TBC1D19: variants seen among roughly 807,000 people sequenced by gnomAD.
The protein encoded by TBC1D19 is TBC1 domain family, member 19.
A neutral mutation model predicts 89.0 loss-of-function variants in TBC1D19; 60 were observed. The ratio of observed to expected loss-of-function variants is 0.67; its 90% confidence interval spans 0.55 to 0.84. The LOEUF (loss-of-function observed/expected upper bound fraction) is 0.84. Among genes scored for constraint, TBC1D19 ranks in the 40% least tolerant of loss-of-function variants. The pLI is 0.00. For missense variants in TBC1D19, 500 were observed against 610.8 expected (o/e 0.82, Z 1.91); for synonymous variants, 189 against 199.7 (o/e 0.95, Z 0.45).
chr4:26,757,382 C>T (rs1343020060), downstream of TBC1D19, among the ~76,000 whole-genome samples: 1 of 152,120 alleles, frequency 6.6e-6, no homozygotes, highest in African/African-American at 2.4e-5. Flanking sequence ...TTGCATCCTC[C>T]TGTGCCATCT....
exon 1 of TBC1D19, chr4:26,576,784 A>T (rs1039263754): frequency 1.8e-5 from 8 of 456,012 alleles, no homozygotes; most frequent in Admixed American, 1.2e-4. Context: ...GTAAAATAAG[A>T]CTCTGGGATG....
the TBC1D19 span, among the ~76,000 whole-genome samples, chr4:26,781,810 T>C: frequency 6.6e-6 from 1 of 152,170 alleles, no homozygotes; most frequent in African/African-American, 2.4e-5. Flanking sequence ...TTTTTTTTTT[T>C]TGTATTTGTA....
chr4:26,576,793 T>G (rs1457302433), exon 1 of TBC1D19: 1 of 456,006 alleles, frequency 2.2e-6, no homozygotes, highest in Non-Finnish European at 4.4e-6. Context: ...GACTCTGGGA[T>G]GAAGGTATGA....
chr4:26,686,171 C>G (rs1713792309), intron 12 of TBC1D19, among the ~76,000 whole-genome samples: 1 of 151,846 alleles, frequency 6.6e-6, no homozygotes, highest in South Asian at 2.1e-4. Flanking sequence ...ATAGCAAAAA[C>G]TTATTTTAAA....
chr4:26,603,396 G>A (rs1259899268), intron 1 of TBC1D19, among the ~76,000 whole-genome samples: 2 of 152,136 alleles, frequency 1.3e-5, no homozygotes, highest in Admixed American at 6.5e-5. Flanking sequence ...GCATTTTTAT[G>A]TTATAAAGTA....
chr4:26,827,780 G>A, the TBC1D19 span, among the ~76,000 whole-genome samples: 3 of 149,002 alleles, frequency 2.0e-5, no homozygotes, highest in Admixed American at 1.3e-4. Context: ...CCTATTTACA[G>A]GTGCAATAAT....
At position 26,659,666 on chromosome 4, in the gene TBC1D19, T is replaced by G. The variant is rs1251724192; in HGVS notation, c.550T>G (p.Leu184Val). The G allele has an allele frequency of 6.3e-7, 1 of 1,593,000 alleles. No individual in the cohort carries two copies. The highest frequency in any genetic ancestry group is 1.1e-5 in the South Asian group (1 of 88,100). Residue 184 changes from leucine to valine, a missense_variant, in exon 8 of 21, where the codon TTA (leucine) becomes GTA (valine). Physicochemically the swap from Leu to Val is conservative, Grantham distance 32. Transcript: ENST00000264866. The stretch of plus-strand genomic sequence containing the variant: ...TCTTAGTTTCAGGACTCATTTGGGT[T>G]TAATTCAAGTTCCACTGAAAGTAAA... ...DSLSFRTHLG[L>V]IQVPLKVKDI... is the part of the protein sequence containing the mutation.
chr4:26,777,625 T>C, the TBC1D19 span, among the ~76,000 whole-genome samples: 1 of 152,016 alleles, frequency 6.6e-6, no homozygotes, highest in Non-Finnish European at 1.5e-5. Flanking sequence ...TTTTTGTACT[T>C]TTTAATAGAG....
chr4:26,825,269 T>G, the TBC1D19 span, among the ~76,000 whole-genome samples: 2 of 152,074 alleles, frequency 1.3e-5, no homozygotes, highest in African/African-American at 2.4e-5. Flanking sequence ...CAGCTAATTT[T>G]TGTATCTTTA....
At chr4:26,582,023 GTAA>G (rs1242923810), upstream of TBC1D19, among the ~76,000 whole-genome samples, 1 of 150,754 alleles carries the variant, frequency 6.6e-6, no homozygotes, top group African/African-American at 2.4e-5. Flanking sequence ...GCCAAACTTC[GTAA>G]TTGTTGCTTT....
upstream of TBC1D19, among the ~76,000 whole-genome samples, chr4:26,581,470 G>A (rs1261486139): frequency 3.3e-5 from 5 of 152,140 alleles, no homozygotes; most frequent in South Asian, 2.1e-4. Flanking sequence ...GTGAGAACAT[G>A]GGGTGTTTGG....
the TBC1D19 span, among the ~76,000 whole-genome samples, chr4:26,817,981 A>AAATATATATATAT: frequency 1.6e-5 from 2 of 126,080 alleles, no homozygotes; most frequent in African/African-American, 7.4e-5. Flanking sequence ...AAAAAAAAAA[A>AAATATATATATAT]ATATATATAT....
intron 1 of TBC1D19, among the ~76,000 whole-genome samples, chr4:26,610,780 G>A (rs887189861): frequency 4.0e-5 from 6 of 151,750 alleles, no homozygotes; most frequent in Admixed American, 1.3e-4. Context: ...ACGTGATCTC[G>A]TTGTTTTTTA....
intron 7 of TBC1D19, among the ~76,000 whole-genome samples, chr4:26,648,345 T>C (rs1180481491): frequency 6.6e-6 from 1 of 152,190 alleles, no homozygotes; most frequent in Non-Finnish European, 1.5e-5. Flanking sequence ...ACAATGTAAA[T>C]AAACAGTTGT....
Position 26,672,130 on chromosome 4 carries a change from A to T in TBC1D19, c.665-19A>T, listed in dbSNP as rs757145232. 6 of 1,042,698 alleles carry T rather than the reference A, an allele frequency of 5.8e-6. No homozygotes were observed. The East Asian group carries it at 3.1e-4, about 53-fold the overall frequency. The allele number at this position is 1,042,698 out of a possible 1,614,324, so 64.6% of individuals were successfully genotyped here. A position where few individuals can be genotyped will look rare whatever the true frequency, so the allele number is the denominator to read the frequency against. Reference sequence around the variant, plus strand: ...CTCATACTCATGTCTAATAATTTTAATTTTTTTTTAATTTTTAGAACTTTT... The same window carrying T: ...CTCATACTCATGTCTAATAATTTTATTTTTTTTTTAATTTTTAGAACTTTT... On this transcript the variant is annotated intron_variant, in intron 9 of 20. Coordinates refer to ENST00000264866, the MANE Select transcript of TBC1D19 (RefSeq NM_018317.4).
chr4:26,791,350 G>T, the TBC1D19 span, among the ~76,000 whole-genome samples: 1 of 152,096 alleles, frequency 6.6e-6, no homozygotes, highest in African/African-American at 2.4e-5. Context: ...AGACAAAAAG[G>T]TCCCTCACAG....
the TBC1D19 span, among the ~76,000 whole-genome samples, chr4:26,825,924 G>T: frequency 6.6e-6 from 1 of 152,092 alleles, no homozygotes; most frequent in African/African-American, 2.4e-5. Context: ...TAAGCTGGCC[G>T]GGCATGGTGG....
chr4:26,795,483 C>G, the TBC1D19 span, among the ~76,000 whole-genome samples: 1 of 152,108 alleles, frequency 6.6e-6, no homozygotes, highest in Non-Finnish European at 1.5e-5. Flanking sequence ...GACCTTTTTG[C>G]CTGTTTTGTT....
chr4:26,802,375 C>A, the TBC1D19 span, among the ~76,000 whole-genome samples: 4 of 152,070 alleles, frequency 2.6e-5, no homozygotes, highest in African/African-American at 9.7e-5. Flanking sequence ...CCGAGGCGGG[C>A]AGATAACTTG....
Sources: allele counts gnomAD v4.1 joint callset (sites outside exome capture counted in the v4.1 genomes callset), GRCh38; gene constraint gnomAD v4.1.1; transcripts MANE v1.5; gene names NCBI Gene and HGNC (gene_info 2026-07-23, HGNC 2026-07-21).